RARB: variants seen among roughly 807,000 people sequenced by gnomAD.
RARB encodes the protein retinoic acid receptor beta, also known as HBV-activated protein.
RARB carries 17 observed loss-of-function variants against 51.9 expected under a neutral mutation model. The observed-to-expected ratio is 0.33, with a 90% CI of 0.22 to 0.49. The LOEUF (loss-of-function observed/expected upper bound fraction) is 0.49. Among genes scored for constraint, RARB ranks in the 20% least tolerant of loss-of-function variants. The pLI is 0.99. For synonymous variants in RARB, 215 were observed against 195.4 expected, an observed-to-expected ratio of 1.10 and a Z score of -0.84; for missense variants, 369 against 550.8, an observed-to-expected ratio of 0.67 and a Z score of 3.30.
At chr3:25,391,513 C>A (rs548650990) in intron 5 of RARB, among the ~76,000 whole-genome samples, 1 of 152,278 alleles carries the variant, frequency 6.6e-6, no homozygotes, top group South Asian at 2.1e-4. Flanking sequence ...TTCCCAATAG[C>A]AGTGCAAAAG....
chr3:25,102,314 G>A (rs144467971), intron 3 of RARB, among the ~76,000 whole-genome samples: 1 of 152,238 alleles, frequency 6.6e-6, no homozygotes, highest in African/African-American at 2.4e-5. Context: ...GCCGAGGCAG[G>A]TTGATCACCT....
At position 25,070,483 on chromosome 3, in the gene RARB, C is replaced by G. The variant is rs144198912; in HGVS notation, c.-328+10307C>G. On this transcript the variant is annotated intron_variant, in intron 3 of 11. Coordinates refer to the RARB transcript ENST00000383772. ...GCACTTAACTAGAAATCACTGGTAT[C>G]AAGGACTCTTAGGTGCTGTTGGAGT... 2.6e-3 allele frequency among the ~76,000 whole-genome samples: 397 copies of G among 152,254 alleles called. 1 individual carries two copies. The highest frequency in any genetic ancestry group is 5.0e-3 in the Non-Finnish European group (340 of 68,024).
intron 5 of RARB, among the ~76,000 whole-genome samples, chr3:25,279,163 CA>C (rs2125415043): frequency 6.6e-6 from 1 of 152,286 alleles, no homozygotes; most frequent in East Asian, 1.9e-4. Flanking sequence ...TTCACAACAT[CA>C]AAATGCAGAA....
At chr3:24,993,620 G>A (rs912567475) in intron 2 of RARB, among the ~76,000 whole-genome samples, 11 of 152,104 alleles carry the variant, frequency 7.2e-5, no homozygotes, top group African/African-American at 2.4e-4. Flanking sequence ...GTTCTATTTA[G>A]CTGTAATTTT....
chr3:25,422,254 C>T (rs558125363), intron 5 of RARB, among the ~76,000 whole-genome samples: 3 of 152,314 alleles, frequency 2.0e-5, no homozygotes, highest in South Asian at 4.1e-4. Context: ...GCAAAGCACT[C>T]TTAGAATCCT....
At chr3:25,364,855 G>A (rs1025364220) in intron 5 of RARB, among the ~76,000 whole-genome samples, 2 of 152,154 alleles carry the variant, frequency 1.3e-5, no homozygotes, top group Admixed American at 6.5e-5. Context: ...TGTACAAGCT[G>A]CCTCTTATTA....
chr3:25,022,161 T>C (rs1697652655), intron 2 of RARB, among the ~76,000 whole-genome samples: 1 of 152,174 alleles, frequency 6.6e-6, no homozygotes, highest in African/African-American at 2.4e-5. Flanking sequence ...TGTAGAAAAG[T>C]AACGAAATCG....
intron 4 of RARB, 28 bp from the exon 5 acceptor site, chr3:25,580,518 A>G (rs1701130068): frequency 6.5e-7 from 1 of 1,534,498 alleles, no homozygotes; most frequent in Non-Finnish European, 8.9e-7. Flanking sequence ...CGGAAACTGT[A>G]TCTGATGACA....
In RARB at chr3:25,055,786, A is replaced by G. The variant is rs534699549; in HGVS notation, c.-379-4339A>G. On this transcript the variant is annotated intron_variant, in intron 2 of 11. Transcript: ENST00000383772. ...GGCATACCCCGGAATCATCACAACC[A>G]GAAACCAGGAAGCTGGTGTATTTAA... 3.3e-5 allele frequency among the ~76,000 whole-genome samples: 5 copies of G among 152,218 alleles called. 1 individual carries two copies. In the South Asian group the frequency reaches 6.2e-4, roughly 19 times the overall value.
At chr3:25,259,691 T>A (rs1195992037) in intron 5 of RARB, among the ~76,000 whole-genome samples, 1 of 152,218 alleles carries the variant, frequency 6.6e-6, no homozygotes, top group Non-Finnish European at 1.5e-5. Flanking sequence ...CATACATTTT[T>A]AAATAAATGC....
At chr3:25,018,873 C>T (rs776211465) in intron 2 of RARB, among the ~76,000 whole-genome samples, 20 of 152,096 alleles carry the variant, frequency 1.3e-4, no homozygotes, top group Middle Eastern at 3.2e-3. Context: ...TAAGCACCGG[C>T]GCTGGAAACA....
At chr3:25,571,881 T>C (rs1286733) in intron 4 of RARB, among the ~76,000 whole-genome samples, 52,277 of 152,134 alleles carry the variant, frequency 0.34, 9,075 homozygotes, top group Non-Finnish European at 0.38. Flanking sequence ...TCCAGACACG[T>C]ACCTTCTACT....
intron 2 of RARB, among the ~76,000 whole-genome samples, chr3:25,465,558 G>T (rs1466056619): frequency 6.6e-6 from 1 of 152,214 alleles, no homozygotes; most frequent in Admixed American, 6.5e-5. Flanking sequence ...GGGACTGGGT[G>T]ACAGTCTCAG....
At chr3:25,195,065 T>C (rs1701198563) in intron 5 of RARB, among the ~76,000 whole-genome samples, 1 of 152,048 alleles carries the variant, frequency 6.6e-6, no homozygotes, top group Admixed American at 6.6e-5. Flanking sequence ...TCTAAAAGTG[T>C]GTGCTTGACA....
intron 1 of RARB, among the ~76,000 whole-genome samples, chr3:25,436,560 A>G (rs1213425165): frequency 1.3e-5 from 2 of 152,198 alleles, no homozygotes; most frequent in South Asian, 2.1e-4. Flanking sequence ...AGGGGAAACA[A>G]TACAAACTAG....
chr3:25,519,146 A>G (rs1247843851), intron 3 of RARB, among the ~76,000 whole-genome samples: 1 of 152,102 alleles, frequency 6.6e-6, no homozygotes, highest in African/African-American at 2.4e-5. Flanking sequence ...GTAGCATTCT[A>G]TTTTATAGAT....
At chr3:25,442,242 TCTC>T (rs1170545036) in intron 1 of RARB, among the ~76,000 whole-genome samples, 2 of 152,066 alleles carry the variant, frequency 1.3e-5, no homozygotes, top group Non-Finnish European at 2.9e-5. Flanking sequence ...TTCAAGCCAT[TCTC>T]CTGCTTCAGC....
At position 25,429,058 on chromosome 3, in the gene RARB, T is replaced by A. The variant is rs180673077; in HGVS notation, c.157+170T>A. Reference sequence around the variant, plus strand: ...GCATATTGATTCCCTTTGCTGAAAATTTCCTGTTAGATGTTTTCTTCCCAA... The same window carrying A: ...GCATATTGATTCCCTTTGCTGAAAAATTCCTGTTAGATGTTTTCTTCCCAA... On this transcript the variant is annotated intron_variant, in intron 1 of 7. Coordinates refer to ENST00000330688, the MANE Select transcript of RARB (RefSeq NM_000965.5). 5.3e-5 allele frequency among the ~76,000 whole-genome samples: 8 copies of A among 152,214 alleles called. No homozygotes were observed. In the East Asian group the frequency reaches 1.5e-3, roughly 29 times the overall value.
chr3:25,341,056 A>T (rs554075893), intron 5 of RARB, among the ~76,000 whole-genome samples: 1 of 152,206 alleles, frequency 6.6e-6, no homozygotes, highest in Non-Finnish European at 1.5e-5. Flanking sequence ...TGGAAAGGAC[A>T]TGCAGCCAGC....
Sources: gnomAD v4.1 joint callset for allele counts (sites outside exome capture counted in the v4.1 genomes callset) on GRCh38, gnomAD v4.1.1 for gene constraint, MANE v1.5 for transcripts, NCBI Gene and HGNC (gene_info 2026-07-23, HGNC 2026-07-21) for gene names.